WAC: variants seen among roughly 807,000 people sequenced by gnomAD.
WAC encodes WW domain-containing adapter protein with coiled-coil.
In WAC, 11 loss-of-function variants were observed where a neutral mutation model predicts 79.6. The ratio of observed to expected loss-of-function variants is 0.14; its 90% CI spans 0.09 to 0.23. The LOEUF is 0.23. Ranked by LOEUF, WAC falls within the 10% of genes least tolerant of loss-of-function variation. WAC has a pLI of 1.00. For missense variants in WAC, 728 were observed against 773.5 expected, an observed-to-expected ratio of 0.94 and a Z score of 0.70; for synonymous variants, 304 against 276.9, an observed-to-expected ratio of 1.10 and a Z score of -0.97.
chr10:28,537,809 A>G (rs1343654428), intron 3 of WAC: 1 of 151,630 alleles, frequency 6.6e-6, no homozygotes, highest in Non-Finnish European at 1.5e-5. Flanking sequence ...ACCTGTATGA[A>G]CTCCAGGTAC....
intron 3 of WAC, 47 bp downstream of exon 3, chr10:28,535,804 G>T: frequency 6.7e-7 from 1 of 1,494,670 alleles, no homozygotes; most frequent in South Asian, 1.3e-5. Flanking sequence ...TTTAACAATA[G>T]CTCTATATAA....
chr10:28,578,618 A>C (rs1046734451), intron 3 of WAC, among the ~76,000 whole-genome samples: 12 of 152,096 alleles, frequency 7.9e-5, no homozygotes, highest in Non-Finnish European at 2.9e-5. Flanking sequence ...TTGTAAATGG[A>C]AGGGCATTGT....
chr10:28,586,177 G>T (rs996088763), intron 4 of WAC, among the ~76,000 whole-genome samples: 2 of 152,124 alleles, frequency 1.3e-5, no homozygotes, highest in Admixed American at 1.3e-4. Context: ...AGATATTTGG[G>T]TATGTGGGTG....
chr10:28,612,012 C>T (rs1841263686), intron 10 of WAC, 90 bp downstream of exon 10: 1 of 1,483,848 alleles, frequency 6.7e-7, no homozygotes. Context: ...AAAAAGCCCT[C>T]TGAGAATGAG....
At chr10:28,578,212 A>G (rs1046957550) in intron 3 of WAC, among the ~76,000 whole-genome samples, 1 of 151,600 alleles carries the variant, frequency 6.6e-6, no homozygotes, top group African/African-American at 2.4e-5. Flanking sequence ...ATCTCTGAGA[A>G]AGACAACTTT....
At chr10:28,599,531 T>C (rs895481193) in intron 7 of WAC, among the ~76,000 whole-genome samples, 12 of 152,230 alleles carry the variant, frequency 7.9e-5, no homozygotes, top group African/African-American at 2.9e-4. Context: ...AGATGGATGC[T>C]ACAAGAACAG....
At chr10:28,559,995 G>A (rs928699612) in intron 3 of WAC, among the ~76,000 whole-genome samples, 6 of 152,132 alleles carry the variant, frequency 3.9e-5, no homozygotes, top group African/African-American at 1.2e-4. Flanking sequence ...TAGATGTAAT[G>A]TGATTCTGGA....
chr10:28,587,260 C>T (rs562418269), intron 4 of WAC, among the ~76,000 whole-genome samples: 25 of 152,242 alleles, frequency 1.6e-4, no homozygotes, highest in African/African-American at 5.8e-4. Flanking sequence ...AAAAAATAGA[C>T]ATTGAACATC....
At chr10:28,596,153 A>C in intron 7 of WAC, 112 bp downstream of exon 7, 1 of 1,186,534 alleles carries the variant, frequency 8.4e-7, no homozygotes. Context: ...TTTTTAAAAA[A>C]GTCTTTTAGA....
At chr10:28,588,819 AAG>A (rs546125549) in intron 4 of WAC, 153 of 152,304 alleles carry the variant, frequency 1.0e-3, no homozygotes, top group African/African-American at 3.4e-3. Flanking sequence ...TAATGTTCAA[AAG>A]AGTAATTTGC....
At chr10:28,552,412 A>G (rs1296297227) in intron 3 of WAC, among the ~76,000 whole-genome samples, 4 of 152,250 alleles carry the variant, frequency 2.6e-5, no homozygotes, top group East Asian at 3.9e-4. Context: ...GACATTAGAT[A>G]CTACTCCTCT....
chr10:28,542,189 C>T (rs1837091122), intron 3 of WAC, among the ~76,000 whole-genome samples: 1 of 152,224 alleles, frequency 6.6e-6, no homozygotes. Flanking sequence ...AGTAATGTGT[C>T]TGCTTAAGTG....
chr10:28,600,017 C>CA (rs769435143), intron 7 of WAC, among the ~76,000 whole-genome samples: 2 of 152,152 alleles, frequency 1.3e-5, no homozygotes, highest in Non-Finnish European at 2.9e-5. Context: ...GGTGAAATGA[C>CA]AAAATAGGAA....
rs148588942 is a variant in WAC, at chr10:28,543,182, G to C, written c.274+7425G>C. 2.4e-3 allele frequency among the ~76,000 whole-genome samples: 361 copies of C among 152,210 alleles called. 13 individuals are homozygous for C. The highest frequency in any genetic ancestry group is 0.018 in the Admixed American group (281 of 15,286). On this transcript the variant is annotated intron_variant, in intron 3 of 13. Coordinates refer to ENST00000354911, the MANE Select transcript of WAC (RefSeq NM_016628.5). ...AGATCTGCCTTTTAACAAGATCTCG[G>C]GTGATACCTACACTTCACTAGAGTA...
chr10:28,542,056 A>G (rs1200520427), intron 3 of WAC, among the ~76,000 whole-genome samples: 3 of 152,116 alleles, frequency 2.0e-5, no homozygotes, highest in Non-Finnish European at 2.9e-5. Context: ...AGCCTCTTCT[A>G]CTATCTTCCC....
chr10:28,538,190 TA>T (rs1216248636), intron 3 of WAC: 2 of 160,644 alleles, frequency 1.2e-5, no homozygotes, highest in African/African-American at 4.8e-5. Flanking sequence ...TTCTGGTGTT[TA>T]TTTTTTATTG....
At chr10:28,532,987 G>A (rs1009487352), upstream of WAC, 1 of 153,806 alleles carries the variant, frequency 6.5e-6, no homozygotes, top group Non-Finnish European at 1.5e-5. Context: ...CAGAGGAGGA[G>A]AAAGGCCGGA....
At position 28,614,661 on chromosome 10, in the gene WAC, C is replaced by G; in HGVS notation, c.1532C>G (p.Ser511Cys). 1 of 1,614,108 alleles carries G rather than the reference C, an allele frequency of 6.2e-7. No individual in the cohort carries two copies. Among genetic ancestry groups the G allele is most frequent in the East Asian group, 2.2e-5 (1 of 44,874 alleles). The change falls in exon 11 of 14, where the codon TCT becomes TGT. Residue 511 changes from serine to cysteine, a missense_variant. Physicochemically the swap from Ser to Cys is moderately radical, Grantham distance 112. This residue lies in a region of WAC where 648 missense variants were observed against 661.5 expected (regional missense o/e 0.98). Transcript: ENST00000354911. ...ADKQQGHEPVSPRSLQRSSSQ... is the reference protein window; with the variant it reads ...ADKQQGHEPVCPRSLQRSSSQ... ...AAGCAGCAAGGTCATGAACCTGTCT[C>G]TCCTCGAAGTCTTCAGCGCTCAAGG...
chr10:28,598,095 A>G (rs1215872022), intron 7 of WAC, among the ~76,000 whole-genome samples: 4 of 152,322 alleles, frequency 2.6e-5, no homozygotes, highest in Middle Eastern at 3.4e-3. Context: ...TCTCCTGATT[A>G]TCTTCTTACC....
Sources: gnomAD v4.1 joint callset for allele counts (sites outside exome capture counted in the v4.1 genomes callset) on GRCh38, gnomAD v4.1.1 for gene constraint, gnomAD v4.1.1 regional missense constraint, MANE v1.5 for transcripts, NCBI Gene and HGNC (gene_info 2026-07-23, HGNC 2026-07-21) for gene names.